The following PCNT variants were observed in gnomAD, a reference collection of about 807,000 sequenced individuals.
The protein encoded by PCNT is pericentrin, also known as kendrin.
Under a neutral mutation model 380.4 loss-of-function variants are expected in PCNT, and 319 were observed. That is an observed-to-expected ratio of 0.84 (90% CI 0.77 to 0.92). The LOEUF (loss-of-function observed/expected upper bound fraction) is 0.92, where lower values mean the gene tolerates loss of function less well. Among genes scored for constraint, PCNT ranks in the 40% least tolerant of loss-of-function variants. The pLI is 0.00. For missense variants in PCNT, 4,400 were observed against 4,255.3 expected (o/e 1.03, Z -0.95); for synonymous variants, 1,845 against 1,735.2 (o/e 1.06, Z -1.57).
intron 3 of PCNT, among the ~76,000 whole-genome samples, chr21:46,339,123 C>A (rs1477776795): frequency 2.0e-5 from 3 of 152,138 alleles, no homozygotes; most frequent in African/African-American, 7.2e-5. Context: ...ACCATGTTGG[C>A]CAGGCTGATC....
Position 46,437,163 on chromosome 21 carries a change from C to T in PCNT, c.9099+82C>T, listed in dbSNP as rs553277722. ...TCGGCAGCTTTGTGGTTCTTTTTCACGCTTCCCCATTGTTCTTCCTCCCTC... is the reference window on the plus strand; with the variant it reads ...TCGGCAGCTTTGTGGTTCTTTTTCATGCTTCCCCATTGTTCTTCCTCCCTC... On this transcript the variant is annotated intron_variant, in intron 40 of 46. Coordinates refer to ENST00000359568, the MANE Select transcript of PCNT (RefSeq NM_006031.6). 1.8e-4 allele frequency: 154 copies of T among 872,422 alleles called. 4 individuals are homozygous for T. In the South Asian group the frequency reaches 1.9e-3, roughly 11 times the overall value. The allele number at this position is 872,422 out of a possible 1,614,324, so 54.0% of individuals were successfully genotyped here.
intron 33 of PCNT, among the ~76,000 whole-genome samples, 170 bp from the exon 34 acceptor site, chr21:46,427,452 A>G (rs939278981): frequency 6.6e-6 from 1 of 152,110 alleles, no homozygotes; most frequent in African/African-American, 2.4e-5. Flanking sequence ...TCCTCATATG[A>G]TGGAGACAGC....
At chr21:46,426,996 G>A (rs2087536560) in intron 33 of PCNT, among the ~76,000 whole-genome samples, 1 of 152,140 alleles carries the variant, frequency 6.6e-6, no homozygotes, top group South Asian at 2.1e-4. Context: ...GGCCCTGGTT[G>A]TGTGCGAGCG....
At chr21:46,337,609 T>C (rs945171172) in intron 3 of PCNT, among the ~76,000 whole-genome samples, 1 of 151,820 alleles carries the variant, frequency 6.6e-6, no homozygotes, top group Non-Finnish European at 1.5e-5. Flanking sequence ...TGAGATGGAG[T>C]TTCGCTCTTG....
chr21:46,410,106 G>A (rs1479432867), intron 27 of PCNT, among the ~76,000 whole-genome samples: 5 of 152,262 alleles, frequency 3.3e-5, no homozygotes, highest in Non-Finnish European at 1.5e-5. Flanking sequence ...GTAGAGTACA[G>A]AGACAACGGC....
At chr21:46,396,787 G>C (rs1276593600) in intron 21 of PCNT, among the ~76,000 whole-genome samples, 1 of 152,130 alleles carries the variant, frequency 6.6e-6, no homozygotes, top group African/African-American at 2.4e-5. Flanking sequence ...ATTTTTAGTA[G>C]AGACAGGGTT....
Position 46,388,475 on chromosome 21 carries a change from G to T in PCNT, c.3465-267G>T, listed in dbSNP as rs116051688. ...GGGACGGGTTTGCCGTGTTCCTAAT[G>T]TGATGCCTTTTACACATCAGAAATG... On this transcript the variant is annotated intron_variant, in intron 17 of 46. Coordinates refer to ENST00000359568, the MANE Select transcript of PCNT (RefSeq NM_006031.6). This position sits in a 1 kb window ranked among gnomAD's most constrained non-coding sequence, Gnocchi z 4.2. Among the ~76,000 whole-genome samples, 51 of 152,358 alleles carry T rather than the reference G, an allele frequency of 3.3e-4. No homozygotes were observed. Among genetic ancestry groups the T allele is most frequent in the African/African-American group, 1.1e-3 (45 of 41,586 alleles).
chr21:46,443,896 C>G lies in PCNT; in HGVS notation c.9787C>G (p.Pro3263Ala). 6.2e-7 allele frequency: 1 copy of G among 1,612,976 alleles called. No individual in the cohort carries two copies. Among genetic ancestry groups the G allele is most frequent in the East Asian group, 2.2e-5 (1 of 44,880 alleles). ...RDVPSGHTRD[P>A]ARGRRLAAAA... ...TGTACCCTCTGGCCACACCAGGGAC[C>G]CTGCCAGAGGCCGCAGACTGGCAGC... Residue 3263 changes from proline (P) to alanine (A), a missense_variant, in exon 45 of 47, where the codon CCT (proline) becomes GCT (alanine). Physicochemically the swap from Pro to Ala is conservative, Grantham distance 27. Transcript: ENST00000359568.
chr21:46,358,712 C>T (rs1035291158), intron 13 of PCNT, among the ~76,000 whole-genome samples: 7 of 151,948 alleles, frequency 4.6e-5, no homozygotes, highest in African/African-American at 7.2e-5. Context: ...GCAACCTTCA[C>T]CTCCTGGCTT....
In PCNT at chr21:46,349,233, A is replaced by G; in HGVS notation, c.1207+47A>G. 2.1e-6 allele frequency: 3 copies of G among 1,441,988 alleles called. No homozygotes were observed. The South Asian group carries it at 3.4e-5, about 17-fold the overall frequency. The allele number at this position is 1,441,988 out of a possible 1,614,324, so 89.3% of individuals were successfully genotyped here. On this transcript the variant is annotated intron_variant, in intron 7 of 46. Transcript: ENST00000359568. ...GTTTGGAGTGGGACTGAATTTTCCT[A>G]GGTAGTACTGGAAGGAATGTCGTTC...
At chr21:46,426,700 G>A (rs1569292134) in intron 33 of PCNT, among the ~76,000 whole-genome samples, 1 of 152,140 alleles carries the variant, frequency 6.6e-6, no homozygotes, top group Non-Finnish European at 1.5e-5. Flanking sequence ...CCTCTGTGCT[G>A]TCGACCCCGC....
chr21:46,392,817 A>G (rs1247011633), intron 21 of PCNT, among the ~76,000 whole-genome samples: 2 of 152,036 alleles, frequency 1.3e-5, no homozygotes, highest in Admixed American at 6.5e-5. Context: ...ATCCCGTTCT[A>G]TTTTTTATAT....
Position 46,416,240 on chromosome 21 carries a change from A to G in PCNT, c.6322A>G (p.Ser2108Gly). The G allele has an allele frequency of 6.2e-7, 1 of 1,614,118 alleles. No individual in the cohort carries two copies. The highest frequency in any genetic ancestry group is 8.5e-7 in the Non-Finnish European group (1 of 1,180,008). ...WPMASAHLLE[S>G]SWSDDSCDGE... ...CATGGCCTCAGCACACCTGTTGGAGAGCAGCTGGAGTGATGATTCCTGTGA... is the reference window on the plus strand; with the variant it reads ...CATGGCCTCAGCACACCTGTTGGAGGGCAGCTGGAGTGATGATTCCTGTGA... The change falls in exon 30 of 47, where the codon AGC (serine) becomes GGC (glycine). Residue 2108 changes from serine to glycine, a missense_variant. Ser to Gly is a moderately conservative substitution (Grantham distance 56). Coordinates refer to ENST00000359568, the MANE Select transcript of PCNT (RefSeq NM_006031.6).
rs747165033 is a variant in PCNT at position 46,355,539 on chromosome 21, G to A, written c.1849G>A (p.Glu617Lys). Reference sequence around the variant, plus strand: ...GGAGTCTCCCCTCTGCATCCAGCACGAGGGGCATGTCTCAGACAGATGCTG... The same window carrying A: ...GGAGTCTCCCCTCTGCATCCAGCACAAGGGGCATGTCTCAGACAGATGCTG... ...ALESPLCIQHEGHVSDRCCVE... is the reference protein window; with the variant it reads ...ALESPLCIQHKGHVSDRCCVE... Residue 617 changes from glutamate (E) to lysine (K), a missense_variant, in exon 12 of 47, where the codon GAG becomes AAG. Physicochemically the swap from Glu to Lys is moderately conservative, Grantham distance 56. Coordinates refer to ENST00000359568, the MANE Select transcript of PCNT (RefSeq NM_006031.6). The A allele has an allele frequency of 6.2e-7, 1 of 1,614,150 alleles. No individual in the cohort carries two copies. The highest frequency in any genetic ancestry group is 1.1e-5 in the South Asian group (1 of 91,086).
At chr21:46,399,087 G>A (rs2086310668) in intron 24 of PCNT, among the ~76,000 whole-genome samples, 1 of 149,212 alleles carries the variant, frequency 6.7e-6, no homozygotes, top group African/African-American at 2.4e-5. Context: ...CCAGAGTGCT[G>A]GGATTACAGG....
chr21:46,342,764 C>T lies in PCNT; in HGVS notation c.640-3364C>T, dbSNP rs143457563. Among the ~76,000 whole-genome samples, 390 of 151,900 alleles carry T rather than the reference C, an allele frequency of 2.6e-3. 3 individuals are homozygous for T. The highest frequency in any genetic ancestry group is 4.6e-3 in the Non-Finnish European group (313 of 67,936). ...GCAGATGGTCTCAATCTCTTGACCT[C>T]GTGATCCGCCTGCCTCGGCCTCCCA... On this transcript the variant is annotated intron_variant, in intron 3 of 46. Coordinates refer to ENST00000359568, the MANE Select transcript of PCNT (RefSeq NM_006031.6).
rs1182665596 is a variant in PCNT, at chr21:46,427,691, G to A, written c.7390G>A (p.Glu2464Lys). The A allele has an allele frequency of 6.2e-6, 10 of 1,613,850 alleles. No individual in the cohort carries two copies. The highest frequency in any genetic ancestry group is 8.5e-6 in the Non-Finnish European group (10 of 1,180,036). The change falls in exon 34 of 47, where the codon GAG (glutamate) becomes AAG (lysine). Residue 2464 changes from glutamate (E) to lysine (K), a missense_variant. By Grantham distance (56) the Glu-to-Lys change is moderately conservative (BLOSUM62 1). Transcript: ENST00000359568. ...LQVVQEAFEK[E>K]QEMQGVELQP... ...GGTTGTGCAAGAGGCCTTTGAAAAAGAGCAGGAGATGCAGGGGGTTGAGCT... is the reference window on the plus strand; with the variant it reads ...GGTTGTGCAAGAGGCCTTTGAAAAAAAGCAGGAGATGCAGGGGGTTGAGCT...
intron 22 of PCNT, 65 bp from the exon 23 acceptor site, chr21:46,397,949 A>G: frequency 2.4e-6 from 3 of 1,272,068 alleles, no homozygotes; most frequent in Non-Finnish European, 3.3e-6. Context: ...GCCTGGGTGG[A>G]CCTTCGCTGC....
rs753972547 is a variant in PCNT, at chr21:46,432,106, G to A, written c.8642G>A (p.Arg2881Gln). The A allele has an allele frequency of 1.6e-5, 26 of 1,614,040 alleles. No individual in the cohort carries two copies. The highest frequency in any genetic ancestry group is 5.5e-5 in the South Asian group (5 of 91,084). The change falls in exon 38 of 47, where the codon CGG becomes CAG. Residue 2881 changes from arginine to glutamine, a missense_variant. Transcript: ENST00000359568. ...LQAELEQSHP[R>Q]LKEQEGRKAA... ...GCAGAATTAGAGCAGTCACACCCAC[G>A]GTTGAAAGAGCAAGAAGGACGCAAG...
Sources: gnomAD v4.1 joint callset for allele counts (sites outside exome capture counted in the v4.1 genomes callset) on GRCh38, gnomAD v4.1.1 for gene constraint, Gnocchi (gnomAD v3.1) non-coding constraint, MANE v1.5 for transcripts, NCBI Gene and HGNC (gene_info 2026-07-23, HGNC 2026-07-21) for gene names.